The following PTPRB variants were observed in gnomAD, a reference collection of about 807,000 sequenced individuals.
PTPRB encodes the protein protein tyrosine phosphatase receptor type B.
PTPRB carries 97 observed loss-of-function variants against 238.1 expected under a neutral mutation model. The ratio of observed to expected loss-of-function variants is 0.41; its 90% confidence interval spans 0.35 to 0.48. The LOEUF (loss-of-function observed/expected upper bound fraction) is 0.48, where lower values mean the gene tolerates loss of function less well. PTPRB is among the 20% of genes least tolerant of loss of function. The pLI is 0.30. For synonymous variants in PTPRB, 970 were observed against 995.4 expected (o/e 0.97, Z 0.48); for missense variants, 2,292 against 2,681.9 (o/e 0.85, Z 3.21).
intron 21 of PTPRB, among the ~76,000 whole-genome samples, chr12:70,545,985 A>G (rs1875905328): frequency 6.6e-6 from 1 of 152,100 alleles, no homozygotes. Context: ...AAAAATACAA[A>G]AATTAGCCAG....
intron 3 of PTPRB, among the ~76,000 whole-genome samples, chr12:70,622,084 A>G (rs188407185): frequency 7.4e-4 from 113 of 152,096 alleles, no homozygotes; most frequent in African/African-American, 2.5e-3. Flanking sequence ...TTCAATTTCT[A>G]TTTTCTGGTT....
chr12:70,537,303 A>G (rs961567177), intron 28 of PTPRB, among the ~76,000 whole-genome samples: 3 of 151,166 alleles, frequency 2.0e-5, no homozygotes, highest in South Asian at 2.1e-4. Context: ...AAAAAAAAAA[A>G]AAAAAGAAAG....
At chr12:70,564,357 T>G (rs1223203329) in intron 15 of PTPRB, among the ~76,000 whole-genome samples, 1 of 150,998 alleles carries the variant, frequency 6.6e-6, no homozygotes, top group Admixed American at 6.6e-5. Flanking sequence ...ACTAAAAATA[T>G]AAAAATTAGC....
chr12:70,587,270 G>A lies in PTPRB; in HGVS notation c.2051-3C>T, dbSNP rs970560293. 17 of 1,613,434 alleles carry A rather than the reference G, an allele frequency of 1.1e-5. No homozygotes were observed. The highest frequency in any genetic ancestry group is 1.4e-5 in the Non-Finnish European group (16 of 1,179,582). ...AAGCTGGAGGACAGCCAGGGGGACT[G>A]AGGAAAAAGCAATGGAGATGGGTCA... is the stretch of plus-strand genomic sequence containing the variant. On this transcript the variant is annotated splice_region_variant and splice_polypyrimidine_tract_variant and intron_variant, in intron 8 of 33. Coordinates refer to ENST00000334414, the MANE Select transcript of PTPRB (RefSeq NM_001109754.4).
intron 3 of PTPRB, chr12:70,609,954 G>T (rs1490469829): frequency 1.4e-5 from 9 of 631,856 alleles, no homozygotes; most frequent in Non-Finnish European, 2.1e-5. Context: ...CTGGCGACGC[G>T]CAGGGGCCAC....
At chr12:70,570,348 A>T (rs1370608652) in intron 13 of PTPRB, among the ~76,000 whole-genome samples, 3 of 151,908 alleles carry the variant, frequency 2.0e-5, no homozygotes, top group Admixed American at 6.6e-5. Context: ...TTTTTAATTT[A>T]ATTTTATTTT....
chr12:70,540,433 T>C (rs1237139594), intron 23 of PTPRB: 1 of 198,554 alleles, frequency 5.0e-6, no homozygotes, highest in African/African-American at 2.3e-5. Context: ...TTCTTTTTGG[T>C]CCCTTCTTAA....
At chr12:70,601,790 C>CTTTTTTTTT (rs200227553) in intron 4 of PTPRB, among the ~76,000 whole-genome samples, 7 of 127,540 alleles carry the variant, frequency 5.5e-5, no homozygotes, top group African/African-American at 5.8e-5. Flanking sequence ...TTTCTTTTTT[C>CTTTTTTTTT]TTTTTTTTTT....
intron 11 of PTPRB, among the ~76,000 whole-genome samples, chr12:70,575,176 A>T (rs1238169853): frequency 6.6e-6 from 1 of 152,202 alleles, no homozygotes; most frequent in Non-Finnish European, 1.5e-5. Flanking sequence ...TGGAATGGAC[A>T]GCACTGGAGC....
chr12:70,626,296 C>CTATCTATCTATCT (rs1885177325), intron 2 of PTPRB, among the ~76,000 whole-genome samples: 2 of 91,912 alleles, frequency 2.2e-5, no homozygotes, highest in African/African-American at 9.4e-5. Flanking sequence ...TCTATCCATC[C>CTATCTATCTATCT]ATCTATCTAT....
chr12:70,553,873 GA>G (rs1190332078), intron 20 of PTPRB, among the ~76,000 whole-genome samples: 4 of 152,186 alleles, frequency 2.6e-5, no homozygotes, highest in Non-Finnish European at 5.9e-5. Context: ...GTTTATATGA[GA>G]TGGATTGTTA....
chr12:70,557,164 A>T (rs978192920), intron 18 of PTPRB, among the ~76,000 whole-genome samples: 2 of 152,158 alleles, frequency 1.3e-5, no homozygotes, highest in African/African-American at 4.8e-5. Context: ...TACGTAGAGA[A>T]AAACCAGAAA....
intron 3 of PTPRB, among the ~76,000 whole-genome samples, chr12:70,615,264 C>T (rs375078037): frequency 5.3e-5 from 8 of 152,128 alleles, no homozygotes; most frequent in South Asian, 2.1e-4. Flanking sequence ...CTTCCAATCT[C>T]GTACCTAAAA....
intron 2 of PTPRB, among the ~76,000 whole-genome samples, chr12:70,627,936 C>T (rs1046849437): frequency 2.6e-5 from 4 of 152,244 alleles, no homozygotes; most frequent in South Asian, 2.1e-4. Flanking sequence ...ACAACTTCTA[C>T]GAAAACTTTT....
chr12:70,623,633 T>C (rs967172280), intron 2 of PTPRB, among the ~76,000 whole-genome samples: 1 of 152,208 alleles, frequency 6.6e-6, no homozygotes, highest in Non-Finnish European at 1.5e-5. Flanking sequence ...TAGAGTTTTA[T>C]GGGATAGAAA....
chr12:70,530,519 T>C (rs552277918), intron 32 of PTPRB, among the ~76,000 whole-genome samples: 1 of 152,248 alleles, frequency 6.6e-6, no homozygotes, highest in South Asian at 2.1e-4. Flanking sequence ...TACACACGTG[T>C]ACACATACAT....
intron 4 of PTPRB, 111 bp from the exon 5 acceptor site, chr12:70,596,438 G>T: frequency 9.0e-7 from 1 of 1,113,292 alleles, no homozygotes; most frequent in Non-Finnish European, 1.1e-6. Flanking sequence ...CTGCAGTCCA[G>T]GTTCATTTTT....
At chr12:70,523,936 C>T (rs1185579641) in intron 33 of PTPRB, among the ~76,000 whole-genome samples, 1 of 151,832 alleles carries the variant, frequency 6.6e-6, no homozygotes, top group Non-Finnish European at 1.5e-5. Flanking sequence ...CCTCAGCCTC[C>T]CGAGTAGCTG....
intron 32 of PTPRB, among the ~76,000 whole-genome samples, chr12:70,526,121 G>A (rs1852577110): frequency 6.6e-6 from 1 of 152,136 alleles, no homozygotes; most frequent in African/African-American, 2.4e-5. Context: ...GTCCCTGATT[G>A]GAACCTAGCT....
Sources: gnomAD v4.1 joint callset for allele counts (sites outside exome capture counted in the v4.1 genomes callset) on GRCh38, gnomAD v4.1.1 for gene constraint, MANE v1.5 for transcripts, NCBI Gene and HGNC (gene_info 2026-07-23, HGNC 2026-07-21) for gene names.